USP28: variants seen among roughly 807,000 people sequenced by gnomAD.
USP28 encodes ubiquitin carboxyl-terminal hydrolase 28.
Under a neutral mutation model 145.0 loss-of-function variants are expected in USP28, and 113 were observed. The observed-to-expected ratio is 0.78, with a 90% CI of 0.67 to 0.91. USP28 has a LOEUF of 0.91. Among genes scored for constraint, USP28 ranks in the 40% least tolerant of loss-of-function variants. The probability of loss-of-function intolerance (pLI) is 0.00; values close to 1 mark genes in which losing one functional copy is unlikely to be tolerated. For synonymous variants in USP28, 447 were observed against 450.9 expected, an observed-to-expected ratio of 0.99 and a Z score of 0.11; for missense variants, 1,201 against 1,289.6, an observed-to-expected ratio of 0.93 and a Z score of 1.05.
intron 1 of USP28, among the ~76,000 whole-genome samples, chr11:113,859,686 C>T (rs1042904882): frequency 6.6e-6 from 1 of 152,104 alleles, no homozygotes; most frequent in African/African-American, 2.4e-5. Flanking sequence ...TTCACCTGAA[C>T]TTCACAGAAA....
chr11:113,875,440 C>A lies in USP28; in HGVS notation c.57+5G>T. On this transcript the variant is annotated splice_donor_5th_base_variant and intron_variant, in intron 1 of 24. Transcript: ENST00000003302. ...CCAGCTCCCGCTCGCCGCCGCGGAGCCCACCGAGCCGTGGCCGTCTGCCGC... is the reference window on the plus strand; with the variant it reads ...CCAGCTCCCGCTCGCCGCCGCGGAGACCACCGAGCCGTGGCCGTCTGCCGC... The A allele has an allele frequency of 8.0e-7, 1 of 1,245,132 alleles. No individual in the cohort carries two copies. Among genetic ancestry groups the A allele is most frequent in the Non-Finnish European group, 1.0e-6 (1 of 989,820 alleles). The allele number at this position is 1,245,132 out of a possible 1,614,324, so 77.1% of individuals were successfully genotyped here.
At chr11:113,804,024 C>G (rs1939510619) in intron 21 of USP28, 147 bp from the exon 23 acceptor site, 2 of 660,136 alleles carry the variant, frequency 3.0e-6, no homozygotes, top group African/African-American at 3.7e-5. Flanking sequence ...AGATAAAAAC[C>G]TACTCAACAT....
intron 1 of USP28, among the ~76,000 whole-genome samples, chr11:113,868,181 C>T (rs1948479526): frequency 6.6e-6 from 1 of 152,094 alleles, no homozygotes; most frequent in African/African-American, 2.4e-5. Context: ...GTATGACTAT[C>T]AAAGGAAGTA....
chr11:113,803,136 A>C (rs1466991033), intron 23 of USP28, 22 bp downstream of exon 24: 14 of 1,601,800 alleles, frequency 8.7e-6, no homozygotes, highest in Non-Finnish European at 1.2e-5. Context: ...AAAAACCTTA[A>C]GGCTTTACAA....
At position 113,875,344 on chromosome 11, in the gene USP28, G is replaced by T. The variant is rs563317088; in HGVS notation, c.57+101C>A. 1,522 of 998,156 alleles carry T rather than the reference G, an allele frequency of 1.5e-3. 19 individuals are homozygous for T. The African/African-American group carries it at 0.025, about 16-fold the overall frequency. The allele number at this position is 998,156 out of a possible 1,614,324, so 61.8% of individuals were successfully genotyped here. On this transcript the variant is annotated intron_variant, in intron 1 of 24. Coordinates refer to ENST00000003302, the Ensembl canonical transcript of USP28. ...GCACCCCCTGTCCCGCCCGGCCGGG[G>T]CGCCCTCCGCAGCCCGCAACCCGCA...
chr11:113,856,347 T>A (rs1408609276), intron 1 of USP28, among the ~76,000 whole-genome samples: 1 of 152,176 alleles, frequency 6.6e-6, no homozygotes, highest in Non-Finnish European at 1.5e-5. Flanking sequence ...AAGGTAACAA[T>A]GGGATAATCC....
intron 7 of USP28, 146 bp from the exon 8 acceptor site, chr11:113,832,139 T>A: frequency 1.4e-6 from 1 of 715,728 alleles, no homozygotes; most frequent in Non-Finnish European, 2.3e-6. Context: ...AGACAGGGTC[T>A]CACTCTGTCG....
chr11:113,875,026 C>T (rs545940585), intron 1 of USP28: 113 of 650,146 alleles, frequency 1.7e-4, no homozygotes, highest in Non-Finnish European at 2.0e-4. Flanking sequence ...TAACTTCGGT[C>T]TGCTTTAACC....
At chr11:113,831,733 T>G (rs1944003465) in intron 8 of USP28, among the ~76,000 whole-genome samples, 187 bp downstream of exon 8, 1 of 150,824 alleles carries the variant, frequency 6.6e-6, no homozygotes, top group Non-Finnish European at 1.5e-5. Context: ...ATAAGATGAC[T>G]GGTACATCCT....
At chr11:113,819,501 C>T (rs900868648) in intron 12 of USP28, among the ~76,000 whole-genome samples, 3 of 152,150 alleles carry the variant, frequency 2.0e-5, no homozygotes, top group African/African-American at 7.2e-5. Flanking sequence ...CCATAAAAGT[C>T]ATCTACCTCC....
intron 4 of USP28, among the ~76,000 whole-genome samples, chr11:113,841,141 A>C (rs1945152095): frequency 6.6e-6 from 1 of 152,186 alleles, no homozygotes; most frequent in Non-Finnish European, 1.5e-5. Flanking sequence ...AGGACATAAA[A>C]CACAGCCCTG....
chr11:113,807,245 G>A (rs1940151102), intron 18 of USP28, among the ~76,000 whole-genome samples: 2 of 152,182 alleles, frequency 1.3e-5, no homozygotes, highest in African/African-American at 2.4e-5. Context: ...GCTAATTTTT[G>A]TATTTTTAGT....
intron 11 of USP28, among the ~76,000 whole-genome samples, chr11:113,826,598 T>C (rs1264156697): frequency 6.6e-6 from 1 of 150,904 alleles, no homozygotes. Flanking sequence ...TGAGCCACCA[T>C]GCCTGGTCTC....
At chr11:113,825,850 T>C (rs1943222397) in intron 11 of USP28, among the ~76,000 whole-genome samples, 1 of 152,064 alleles carries the variant, frequency 6.6e-6, no homozygotes, top group Non-Finnish European at 1.5e-5. Flanking sequence ...AGAAAGGGAA[T>C]GATCACAATG....
intron 3 of USP28, among the ~76,000 whole-genome samples, chr11:113,842,352 G>A (rs556648064): frequency 5.9e-5 from 9 of 151,820 alleles, no homozygotes; most frequent in Non-Finnish European, 1.3e-4. Context: ...TTGGGAGGCC[G>A]AGGCGGGCGG....
intron 17 of USP28, 135 bp downstream of exon 17, chr11:113,808,928 C>T: frequency 1.2e-6 from 1 of 800,192 alleles, no homozygotes; most frequent in Non-Finnish European, 2.0e-6. Context: ...CAGGTTGTAC[C>T]TGGCATACCA....
intron 10 of USP28, chr11:113,828,891 G>A (rs1204964490): frequency 1.8e-6 from 1 of 542,270 alleles, no homozygotes; most frequent in East Asian, 4.6e-5. Flanking sequence ...TATGGAGGCA[G>A]TGGGTTCTCC....
At chr11:113,824,125 A>G (rs1943023762) in intron 11 of USP28, among the ~76,000 whole-genome samples, 2 of 152,214 alleles carry the variant, frequency 1.3e-5, no homozygotes, top group Admixed American at 1.3e-4. Flanking sequence ...AATCAACTGC[A>G]ATTCTATACA....
intron 1 of USP28, among the ~76,000 whole-genome samples, chr11:113,865,898 G>A (rs542539711): frequency 1.2e-4 from 18 of 152,320 alleles, no homozygotes; most frequent in Admixed American, 2.6e-4. Flanking sequence ...ACACTGAAGT[G>A]GGCTGATGTA....
Sources: allele counts gnomAD v4.1 joint callset (sites outside exome capture counted in the v4.1 genomes callset), GRCh38; gene constraint gnomAD v4.1.1; transcripts MANE v1.5; gene names NCBI Gene and HGNC (gene_info 2026-07-23, HGNC 2026-07-21).